Variants in CDH12 observed in about 807,000 individuals in gnomAD.
The protein encoded by CDH12 is cadherin-12.
In CDH12, 41 loss-of-function variants were observed where a neutral mutation model predicts 74.1. The observed-to-expected ratio is 0.55, with a 90% CI of 0.43 to 0.72. The LOEUF is 0.72. CDH12 is among the 30% of genes least tolerant of loss of function. The probability of loss-of-function intolerance (pLI) is 0.00; values close to 1 mark genes in which losing one functional copy is unlikely to be tolerated. For missense variants in CDH12, 945 were observed against 977.2 expected (o/e 0.97, Z 0.44); for synonymous variants, 399 against 355.0 (o/e 1.12, Z -1.39).
chr5:21,978,183 C>G (rs551533422), intron 5 of CDH12, among the ~76,000 whole-genome samples: 2 of 152,214 alleles, frequency 1.3e-5, no homozygotes, highest in East Asian at 3.9e-4. Context: ...CTCTCGTTGC[C>G]CAGGCTGGAG....
intron 1 of CDH12, among the ~76,000 whole-genome samples, chr5:22,738,145 G>A (rs1424975727): frequency 2.0e-5 from 3 of 151,948 alleles, no homozygotes; most frequent in African/African-American, 7.2e-5. Context: ...CTACAGAGGG[G>A]CCACAGCAAG....
chr5:22,344,465 C>T (rs1050348256), intron 3 of CDH12, among the ~76,000 whole-genome samples: 2 of 151,958 alleles, frequency 1.3e-5, no homozygotes, highest in African/African-American at 4.8e-5. Context: ...ATTAATTTGA[C>T]CACTTAACCT....
At chr5:22,708,758 TA>T in intron 1 of CDH12, among the ~76,000 whole-genome samples, 1 of 152,128 alleles carries the variant, frequency 6.6e-6, no homozygotes, top group African/African-American at 2.4e-5. Flanking sequence ...GAGGGTGAAA[TA>T]AATAAAATAG....
chr5:22,725,993 A>G (rs537206097), intron 1 of CDH12, among the ~76,000 whole-genome samples: 3 of 151,884 alleles, frequency 2.0e-5, no homozygotes, highest in South Asian at 2.1e-4. Context: ...TGTCCCCACT[A>G]TCAAGATTTT....
At chr5:21,886,611 T>C (rs1167010369) in intron 6 of CDH12, among the ~76,000 whole-genome samples, 2 of 148,610 alleles carry the variant, frequency 1.3e-5, no homozygotes, top group African/African-American at 4.9e-5. Flanking sequence ...TAAAACTCTT[T>C]GAGGTTTTGT....
At chr5:21,798,489 C>G (rs1043156768) in intron 10 of CDH12, among the ~76,000 whole-genome samples, 6 of 152,092 alleles carry the variant, frequency 3.9e-5, no homozygotes, top group Non-Finnish European at 5.9e-5. Context: ...CTCCTGATTA[C>G]TGATTCTCTT....
chr5:22,843,765 A>C (rs1399169704), intron 1 of CDH12, among the ~76,000 whole-genome samples: 1 of 152,092 alleles, frequency 6.6e-6, no homozygotes, highest in Non-Finnish European at 1.5e-5. Context: ...TACCACAGAC[A>C]CATGCTTCTA....
intron 6 of CDH12, among the ~76,000 whole-genome samples, chr5:21,914,941 C>T (rs555319905): frequency 1.3e-5 from 2 of 152,116 alleles, no homozygotes; most frequent in African/African-American, 2.4e-5. Context: ...ATGATTAGTT[C>T]GACAAAGACT....
intron 3 of CDH12, among the ~76,000 whole-genome samples, chr5:22,213,357 T>C (rs940673795): frequency 4.6e-5 from 7 of 151,784 alleles, no homozygotes; most frequent in African/African-American, 1.5e-4. Context: ...GCATTTTCAA[T>C]TAGCATTACA....
intron 5 of CDH12, among the ~76,000 whole-genome samples, chr5:22,076,380 A>C (rs77696237): frequency 0.018 from 2,734 of 152,256 alleles, 86 homozygotes; most frequent in African/African-American, 0.062. Context: ...CTAGGTTCTA[A>C]TAAATGTCAG....
chr5:22,349,280 C>G (rs1220992696), intron 3 of CDH12, among the ~76,000 whole-genome samples: 1 of 152,172 alleles, frequency 6.6e-6, no homozygotes, highest in Admixed American at 6.5e-5. Flanking sequence ...CAGTCAGTTT[C>G]CCTCCTCTGG....
At chr5:22,494,776 G>A (rs1339500826) in intron 2 of CDH12, among the ~76,000 whole-genome samples, 1 of 152,180 alleles carries the variant, frequency 6.6e-6, no homozygotes, top group Non-Finnish European at 1.5e-5. Context: ...GAGCCTGTGA[G>A]ACACAAGGTT....
intron 4 of CDH12, among the ~76,000 whole-genome samples, chr5:22,098,880 T>C (rs1034775809): frequency 2.0e-5 from 3 of 152,190 alleles, no homozygotes; most frequent in African/African-American, 4.8e-5. Flanking sequence ...GGCTATGCTA[T>C]AGTACAAGCC....
chr5:21,865,584 C>T (rs1303750648), intron 6 of CDH12, among the ~76,000 whole-genome samples: 2 of 152,094 alleles, frequency 1.3e-5, no homozygotes, highest in Non-Finnish European at 1.5e-5. Context: ...CACATTCCAG[C>T]ACAATGCTCT....
At chr5:22,064,078 C>A (rs888728207) in intron 5 of CDH12, among the ~76,000 whole-genome samples, 16 of 151,782 alleles carry the variant, frequency 1.1e-4, no homozygotes, top group African/African-American at 3.9e-4. Context: ...GTTCAGGGGT[C>A]CACTTATATG....
At chr5:21,921,308 G>C (rs1392977461) in intron 6 of CDH12, among the ~76,000 whole-genome samples, 2 of 152,000 alleles carry the variant, frequency 1.3e-5, no homozygotes, top group Non-Finnish European at 2.9e-5. Flanking sequence ...CTATATACTT[G>C]TCATAGTGTC....
At chr5:22,702,131 G>A (rs924670548) in intron 1 of CDH12, among the ~76,000 whole-genome samples, 31 of 152,236 alleles carry the variant, frequency 2.0e-4, no homozygotes, top group East Asian at 5.8e-4. Flanking sequence ...AGTATCTATC[G>A]TAGGATGAAT....
At chr5:22,612,903 C>T (rs748616263) in intron 1 of CDH12, among the ~76,000 whole-genome samples, 4 of 151,974 alleles carry the variant, frequency 2.6e-5, no homozygotes, top group African/African-American at 4.8e-5. Flanking sequence ...AAATATTGGC[C>T]AGATTAAGAC....
intron 6 of CDH12, among the ~76,000 whole-genome samples, chr5:21,967,589 A>G (rs1251497537): frequency 6.6e-6 from 1 of 152,196 alleles, no homozygotes; most frequent in Non-Finnish European, 1.5e-5. Flanking sequence ...GTTAATTTTT[A>G]ACATTTATTG....
Sources: allele counts gnomAD v4.1 joint callset (sites outside exome capture counted in the v4.1 genomes callset), GRCh38; gene constraint gnomAD v4.1.1; transcripts MANE v1.5; gene names NCBI Gene and HGNC (gene_info 2026-07-23, HGNC 2026-07-21).